The following MYL4 variants were observed in gnomAD, a reference collection of about 807,000 sequenced individuals.
MYL4 encodes the protein myosin light chain 4.
Under a neutral mutation model 21.6 loss-of-function variants are expected in MYL4, and 16 were observed. That is an observed-to-expected ratio of 0.74 (90% CI 0.50 to 1.12). The LOEUF is 1.12. Ranked by LOEUF, MYL4 falls within the 50% of genes most tolerant of loss-of-function variation. The pLI is 0.00. For missense variants in MYL4, 249 were observed against 252.9 expected (o/e 0.98, Z 0.11); for synonymous variants, 82 against 95.7 (o/e 0.86, Z 0.83).
At chr17:47,195,052 C>CTTTTT in the MYL4 span, among the ~76,000 whole-genome samples, 5 of 113,950 alleles carry the variant, frequency 4.4e-5, no homozygotes, top group African/African-American at 6.9e-5. Flanking sequence ...CTTCATGGAA[C>CTTTTT]TTTTTTTTTT....
chr17:47,190,167 C>T, the MYL4 span, among the ~76,000 whole-genome samples: 2 of 152,134 alleles, frequency 1.3e-5, no homozygotes, highest in Non-Finnish European at 2.9e-5. Context: ...GTGAGGCATT[C>T]CGCTGTGGTG....
chr17:47,212,617 C>T (rs572578540), intron 1 of MYL4, among the ~76,000 whole-genome samples: 6 of 152,114 alleles, frequency 3.9e-5, no homozygotes, highest in Admixed American at 6.5e-5. Context: ...AACAATGAGC[C>T]GAGCAGAGGA....
upstream of MYL4, among the ~76,000 whole-genome samples, chr17:47,196,174 T>C (rs1005905797): frequency 6.6e-6 from 1 of 152,150 alleles, no homozygotes; most frequent in African/African-American, 2.4e-5. Flanking sequence ...GGGGCCCTGA[T>C]CCGACAGAAT....
At chr17:47,202,077 C>T (rs1028990073) in intron 1 of MYL4, among the ~76,000 whole-genome samples, 12 of 152,150 alleles carry the variant, frequency 7.9e-5, no homozygotes, top group African/African-American at 1.2e-4. Context: ...TCTCCACCTC[C>T]GGCATTCAAG....
upstream of MYL4, among the ~76,000 whole-genome samples, chr17:47,198,259 A>G (rs2064696892): frequency 6.6e-6 from 1 of 152,196 alleles, no homozygotes; most frequent in African/African-American, 2.4e-5. Flanking sequence ...ATTCTTATCC[A>G]ATTCCTTGAC....
At position 47,216,288 on chromosome 17, in the gene MYL4, T is replaced by C. The variant is rs531089126; in HGVS notation, c.163+2462T>C. Among the ~76,000 whole-genome samples the C allele has an allele frequency of 1.8e-4, 26 of 147,410 alleles. 1 individual carries two copies. The East Asian group carries it at 5.2e-3, about 30-fold the overall frequency. On this transcript the variant is annotated intron_variant, in intron 2 of 6. Transcript: ENST00000393450. Reference sequence around the variant, plus strand: ...CTGGACCCTTGAACATCACCTCTAATACCTGAAGTTCACACTGGCTTTTTT... The same window carrying C: ...CTGGACCCTTGAACATCACCTCTAACACCTGAAGTTCACACTGGCTTTTTT...
chr17:47,204,862 G>A (rs2064721942), upstream of MYL4, among the ~76,000 whole-genome samples: 1 of 152,198 alleles, frequency 6.6e-6, no homozygotes, highest in Non-Finnish European at 1.5e-5. Flanking sequence ...GGGGACGATT[G>A]ACAAAGTGTT....
At chr17:47,193,672 TAC>T in the MYL4 span, among the ~76,000 whole-genome samples, 2,454 of 152,274 alleles carry the variant, frequency 0.016, 49 homozygotes, top group African/African-American at 0.056. Context: ...TCACCCACCC[TAC>T]ACATTCTTCT....
rs375596244 is a variant in MYL4, at chr17:47,219,966, G to T, written c.226G>T (p.Gly76Cys). ...GACTGGAGAGATGAAGATCACCTAC[G>T]GCCAGTGCGGGGATGTACTGCGGGC... ...TPTGEMKITYGQCGDVLRALG... is the reference protein window; with the variant it reads ...TPTGEMKITYCQCGDVLRALG... Residue 76 changes from glycine to cysteine, a missense_variant, in exon 3 of 7, where the codon GGC becomes TGC. Physicochemically the swap from Gly to Cys is radical, Grantham distance 159. Transcript: ENST00000393450. 1.2e-6 allele frequency: 2 copies of T among 1,614,040 alleles called. No homozygotes were observed. The highest frequency in any genetic ancestry group is 1.7e-6 in the Non-Finnish European group (2 of 1,180,034).
chr17:47,202,110 C>G (rs1019978868), intron 1 of MYL4, among the ~76,000 whole-genome samples: 2 of 152,132 alleles, frequency 1.3e-5, no homozygotes, highest in Non-Finnish European at 2.9e-5. Context: ...CTCAGCCTCC[C>G]GAGTAGCTGG....
chr17:47,190,380 C>T, the MYL4 span, among the ~76,000 whole-genome samples: 1 of 152,132 alleles, frequency 6.6e-6, no homozygotes, highest in Non-Finnish European at 1.5e-5. Flanking sequence ...TTTCTGCTCC[C>T]CTTCTCCCCC....
chr17:47,202,142 C>A (rs577073770), intron 1 of MYL4, among the ~76,000 whole-genome samples: 1 of 151,990 alleles, frequency 6.6e-6, no homozygotes, highest in Non-Finnish European at 1.5e-5. Context: ...CGTGCCACCA[C>A]GCCCAACTAA....
At chr17:47,221,040 C>T (rs72823455) in intron 3 of MYL4, among the ~76,000 whole-genome samples, 541 of 152,202 alleles carry the variant, frequency 3.6e-3, no homozygotes, top group Non-Finnish European at 6.3e-3. Context: ...GAAGCAAGTC[C>T]TGTGTGCTTA....
At chr17:47,226,830 T>C (rs1003446615), downstream of MYL4, among the ~76,000 whole-genome samples, 3 of 152,184 alleles carry the variant, frequency 2.0e-5, no homozygotes, top group Admixed American at 6.5e-5. Context: ...ACTGAGAGAA[T>C]AGTTCAGGAA....
chr17:47,221,788 T>G lies in MYL4; in HGVS notation c.420T>G (p.Arg140=). 6.2e-7 allele frequency: 1 copy of G among 1,614,134 alleles called. No individual in the cohort carries two copies. ...ATGAGGACTTCGTGGAGGGCCTGCGTGTCTTTGACAAGGAGAGCAATGGCA... is the reference window on the plus strand; with the variant it reads ...ATGAGGACTTCGTGGAGGGCCTGCGGGTCTTTGACAAGGAGAGCAATGGCA... The part of the protein sequence containing the change: ...GTYEDFVEGL[R]VFDKESNGTV... Residue 140 remains arginine (R), a synonymous_variant, in exon 4 of 7, where the codon CGT becomes CGG. Transcript: ENST00000393450.
chr17:47,223,130 G>T lies in MYL4; in HGVS notation c.*15+73G>T. On this transcript the variant is annotated intron_variant, in intron 6 of 6. Coordinates refer to ENST00000393450, the MANE Select transcript of MYL4 (RefSeq NM_002476.2). ...CTTAAGAATAACACCATGTGCCCTA[G>T]AAGGCATCTGTCCCAGCCCTGACCC... 9 of 1,515,316 alleles carry T rather than the reference G, an allele frequency of 5.9e-6. No homozygotes were observed. The South Asian group carries it at 1.0e-4, about 17-fold the overall frequency. The allele number at this position is 1,515,316 out of a possible 1,614,324, so 93.9% of individuals were successfully genotyped here.
At chr17:47,226,864 CT>C (rs565004527), downstream of MYL4, among the ~76,000 whole-genome samples, 1 of 151,932 alleles carries the variant, frequency 6.6e-6, no homozygotes, top group African/African-American at 2.4e-5. Context: ...TTTTCTCTCT[CT>C]TTTTTTTGAA....
intron 2 of MYL4, among the ~76,000 whole-genome samples, chr17:47,215,677 C>T (rs1046792805): frequency 1.3e-5 from 2 of 152,200 alleles, no homozygotes; most frequent in Admixed American, 1.3e-4. Flanking sequence ...TTCAGAAATT[C>T]TAGTCCATTC....
At chr17:47,219,264 C>A (rs1333691438) in intron 2 of MYL4, among the ~76,000 whole-genome samples, 1 of 152,226 alleles carries the variant, frequency 6.6e-6, no homozygotes, top group Non-Finnish European at 1.5e-5. Flanking sequence ...ACTGCGACCT[C>A]CCTTTGCTCT....
Sources: gnomAD v4.1 joint callset for allele counts (sites outside exome capture counted in the v4.1 genomes callset) on GRCh38, gnomAD v4.1.1 for gene constraint, MANE v1.5 for transcripts, NCBI Gene and HGNC (gene_info 2026-07-23, HGNC 2026-07-21) for gene names.